Variants in TRPC7 observed in about 807,000 individuals in gnomAD.
TRPC7 encodes the protein transient receptor potential cation channel subfamily C member 7, also known as short transient receptor potential channel 7.
Under a neutral mutation model 90.1 loss-of-function variants are expected in TRPC7, and 42 were observed. That is an observed-to-expected ratio of 0.47 (90% CI 0.36 to 0.60). The LOEUF is 0.60. Ranked by LOEUF, TRPC7 falls within the 20% of genes least tolerant of loss-of-function variation. The probability of loss-of-function intolerance (pLI) is 0.00; values close to 1 mark genes in which losing one functional copy is unlikely to be tolerated. For missense variants in TRPC7, 955 were observed against 1,112.3 expected, an observed-to-expected ratio of 0.86 and a Z score of 2.01; for synonymous variants, 451 against 436.3, an observed-to-expected ratio of 1.03 and a Z score of -0.42.
intron 3 of TRPC7, among the ~76,000 whole-genome samples, chr5:136,313,255 C>A (rs1377731198): frequency 6.6e-6 from 1 of 152,144 alleles, no homozygotes; most frequent in African/African-American, 2.4e-5. Context: ...GCCCATGGAA[C>A]TGCTAAGACC....
Position 136,217,202 on chromosome 5 carries a change from C to T in TRPC7, c.2344-927G>A, listed in dbSNP as rs748788900. Among the ~76,000 whole-genome samples, 22 of 152,342 alleles carry T rather than the reference C, an allele frequency of 1.4e-4. No homozygotes were observed. The Middle Eastern group carries it at 0.014, about 94-fold the overall frequency. On this transcript the variant is annotated intron_variant, in intron 10 of 11. Transcript: ENST00000513104. The stretch of plus-strand genomic sequence containing the variant: ...GTCCTCCCTTCTTGTGGCCTTCTGA[C>T]CTGCTCACACCTGAGGACCAAGAGG...
At chr5:136,268,665 A>G (rs1580882034) in intron 4 of TRPC7, among the ~76,000 whole-genome samples, 3 of 152,270 alleles carry the variant, frequency 2.0e-5, no homozygotes, top group Admixed American at 2.0e-4. Flanking sequence ...GTTATCTTCT[A>G]GAAGAAGATG....
chr5:136,251,692 C>T lies in TRPC7; in HGVS notation c.1536G>A (p.Leu512=), dbSNP rs373622996. The T allele has an allele frequency of 2.1e-4, 342 of 1,612,856 alleles. No homozygotes were observed. The highest frequency in any genetic ancestry group is 5.0e-4 in the Middle Eastern group (3 of 6,058). Residue 512 remains leucine (L), a synonymous_variant, in exon 6 of 12, where the codon CTG becomes CTA. Transcript: ENST00000513104. ...CTTCCGGCGGAAGCGAGACATTGTG[C>T]AGCGTGTCGTCCTGCACGTGCTGGT... The part of the protein sequence containing the change: ...YVDQHVQDDT[L]HNVSLPPEVA...
At position 136,356,684 on chromosome 5, in the gene TRPC7, C is replaced by T; in HGVS notation, c.704G>A (p.Ser235Asn). The T allele has an allele frequency of 6.2e-7, 1 of 1,604,712 alleles. No individual in the cohort carries two copies. The highest frequency in any genetic ancestry group is 8.5e-7 in the Non-Finnish European group (1 of 1,174,868). Residue 235 changes from serine (S) to asparagine (N), a missense_variant, in exon 2 of 12, where the codon AGC becomes AAC. Coordinates refer to ENST00000513104, the MANE Select transcript of TRPC7 (RefSeq NM_020389.3). The part of the protein sequence containing the change: ...LASAAYLSLS[S>N]EDPVLTALEL... ...CAGGGCGGTGAGGACAGGGTCTTCG[C>T]TGGACAGGGACAAGTAGGCAGCACT...
chr5:136,348,701 C>T (rs555497077), intron 2 of TRPC7, among the ~76,000 whole-genome samples: 1 of 152,300 alleles, frequency 6.6e-6, no homozygotes, highest in East Asian at 1.9e-4. Context: ...GGCTCTGTTA[C>T]TAGGGCCTGC....
At chr5:136,214,476 T>C (rs1426534561) in intron 11 of TRPC7, 1 of 152,248 alleles carries the variant, frequency 6.6e-6, no homozygotes, top group Non-Finnish European at 1.5e-5. Flanking sequence ...GTTTGATCCA[T>C]TTTGACAAAT....
chr5:136,353,951 A>C (rs970742396), intron 2 of TRPC7, among the ~76,000 whole-genome samples: 2 of 152,158 alleles, frequency 1.3e-5, no homozygotes, highest in Non-Finnish European at 2.9e-5. Context: ...TTTGAGTTTT[A>C]CTAAAAAAAA....
intron 3 of TRPC7, among the ~76,000 whole-genome samples, chr5:136,287,103 G>A (rs1349013992): frequency 1.3e-5 from 2 of 152,106 alleles, no homozygotes; most frequent in Admixed American, 6.6e-5. Flanking sequence ...CGCTCGCCTC[G>A]CTGGACCCCA....
At chr5:136,362,752 T>TTTTTG (rs1760608490) in intron 1 of TRPC7, among the ~76,000 whole-genome samples, 1 of 152,148 alleles carries the variant, frequency 6.6e-6, no homozygotes, top group Non-Finnish European at 1.5e-5. Flanking sequence ...TCTTTCTGTT[T>TTTTTG]TTTTGTTTTG....
rs1215738150 is a variant in TRPC7 at position 136,225,568 on chromosome 5, T to C, written c.2263-214A>G. Among the ~76,000 whole-genome samples the C allele has an allele frequency of 2.0e-5, 3 of 150,132 alleles. No individual in the cohort carries two copies. In the East Asian group the frequency reaches 5.8e-4, roughly 29 times the overall value. Reference sequence around the variant, plus strand: ...TTAATAAGGGTTACAGAATATTTAGTCAACTTGGTTGGAAAGCACTGAATT... The same window carrying C: ...TTAATAAGGGTTACAGAATATTTAGCCAACTTGGTTGGAAAGCACTGAATT... On this transcript the variant is annotated intron_variant, in intron 9 of 11. Coordinates refer to ENST00000513104, the MANE Select transcript of TRPC7 (RefSeq NM_020389.3).
intron 3 of TRPC7, among the ~76,000 whole-genome samples, chr5:136,299,802 G>A (rs1052195171): frequency 3.3e-5 from 5 of 152,158 alleles, no homozygotes; most frequent in East Asian, 3.9e-4. Flanking sequence ...TGAAGATGGC[G>A]CTTGTTGTTC....
At chr5:136,314,654 G>A (rs139749110) in intron 3 of TRPC7, among the ~76,000 whole-genome samples, 1 of 152,212 alleles carries the variant, frequency 6.6e-6, no homozygotes, top group East Asian at 1.9e-4. Flanking sequence ...GGTTGTTGAA[G>A]GCACAAATTA....
intron 3 of TRPC7, among the ~76,000 whole-genome samples, chr5:136,279,684 G>A (rs1483254024): frequency 6.6e-6 from 1 of 152,176 alleles, no homozygotes; most frequent in Non-Finnish European, 1.5e-5. Flanking sequence ...CCCACTGGAG[G>A]CTATGCCCTA....
At chr5:136,340,374 A>G (rs1177535802) in intron 2 of TRPC7, among the ~76,000 whole-genome samples, 1 of 152,150 alleles carries the variant, frequency 6.6e-6, no homozygotes, top group Non-Finnish European at 1.5e-5. Context: ...ATAGGTTCTG[A>G]TGATCTATTG....
At chr5:136,216,765 C>T (rs532650367) in intron 10 of TRPC7, among the ~76,000 whole-genome samples, 14 of 152,286 alleles carry the variant, frequency 9.2e-5, no homozygotes, top group Middle Eastern at 3.4e-3. Flanking sequence ...CCGCTGGGTA[C>T]AGAAGTCAGG....
At chr5:136,296,236 T>C (rs1215259972) in intron 3 of TRPC7, among the ~76,000 whole-genome samples, 1 of 152,194 alleles carries the variant, frequency 6.6e-6, no homozygotes, top group African/African-American at 2.4e-5. Flanking sequence ...GTATTTTACA[T>C]CTATTAAGTT....
intron 7 of TRPC7, among the ~76,000 whole-genome samples, chr5:136,242,083 G>A (rs1756188024): frequency 6.6e-6 from 1 of 152,162 alleles, no homozygotes; most frequent in South Asian, 2.1e-4. Context: ...CTATGATAGG[G>A]TTAAAAATAT....
At chr5:136,349,455 G>T (rs1760122780) in intron 2 of TRPC7, among the ~76,000 whole-genome samples, 1 of 152,158 alleles carries the variant, frequency 6.6e-6, no homozygotes, top group African/African-American at 2.4e-5. Context: ...GAAACAGAGA[G>T]ATCTTCATGG....
intron 3 of TRPC7, among the ~76,000 whole-genome samples, chr5:136,298,576 G>A (rs1045568273): frequency 6.6e-6 from 1 of 152,164 alleles, no homozygotes; most frequent in African/African-American, 2.4e-5. Flanking sequence ...AAACCACTCT[G>A]CCCAGAAATG....
Sources: allele counts gnomAD v4.1 joint callset (sites outside exome capture counted in the v4.1 genomes callset), GRCh38; gene constraint gnomAD v4.1.1; transcripts MANE v1.5; gene names NCBI Gene and HGNC (gene_info 2026-07-23, HGNC 2026-07-21).